Variants in CHMP4B observed in about 807,000 individuals in gnomAD.
The protein encoded by CHMP4B is SNF7 homolog associated with Alix 1.
Under a neutral mutation model 25.1 loss-of-function variants are expected in CHMP4B, and 1 was observed. The ratio of observed to expected loss-of-function variants is 0.04; its 90% CI spans 0.01 to 0.19. The LOEUF is 0.19. CHMP4B is among the 10% of genes least tolerant of loss of function. The pLI is 1.00. For missense variants in CHMP4B, 151 were observed against 289.7 expected (o/e 0.52, Z 3.48); for synonymous variants, 101 against 115.6 (o/e 0.87, Z 0.81).
chr20:33,821,604 A>G (rs182950425), intron 1 of CHMP4B, among the ~76,000 whole-genome samples: 2 of 151,896 alleles, frequency 1.3e-5, no homozygotes, highest in African/African-American at 4.8e-5. Flanking sequence ...GGACTTGGAG[A>G]CATTGACTGA....
intron 1 of CHMP4B, among the ~76,000 whole-genome samples, chr20:33,844,965 T>C (rs1005834738): frequency 3.9e-5 from 6 of 152,170 alleles, no homozygotes; most frequent in Non-Finnish European, 8.8e-5. Flanking sequence ...TTCACCGTGT[T>C]AGCCAGGATG....
At chr20:33,811,793 C>G in intron 1 of CHMP4B, 135 bp downstream of exon 1, 1 of 877,126 alleles carries the variant, frequency 1.1e-6, no homozygotes, top group Non-Finnish European at 1.8e-6. Context: ...CTTGCCGGGT[C>G]TGGGACCCCC....
At chr20:33,851,973 C>A in intron 3 of CHMP4B, 104 bp from the exon 4 acceptor site, 1 of 1,491,542 alleles carries the variant, frequency 6.7e-7, no homozygotes, top group Non-Finnish European at 9.3e-7. Flanking sequence ...CGCAGACCTT[C>A]TCAGAGGGGT....
chr20:33,854,220 C>T lies in CHMP4B; in HGVS notation c.*660C>T, dbSNP rs779848302. 35 of 154,672 alleles carry T rather than the reference C, an allele frequency of 2.3e-4. No individual in the cohort carries two copies. Among genetic ancestry groups the T allele is most frequent in the Non-Finnish European group, 3.0e-4 (21 of 69,468 alleles). The allele number at this position is 154,672 out of a possible 1,614,324, so 9.6% of individuals were successfully genotyped here. On this transcript the variant is annotated 3_prime_UTR_variant, in exon 5 of 5. Transcript: ENST00000217402. ...AAGTGAGATTGTTAGAATTAAGTTC[C>T]AACTATACAGTTTTCTAACATAGCT...
intron 1 of CHMP4B, among the ~76,000 whole-genome samples, chr20:33,838,743 C>T (rs1272263973): frequency 1.6e-4 from 25 of 152,132 alleles, no homozygotes; most frequent in Admixed American, 1.6e-3. Flanking sequence ...GGTCACTTTC[C>T]TTCCCAGTAT....
At chr20:33,849,607 AT>A (rs1369871509) in intron 2 of CHMP4B, among the ~76,000 whole-genome samples, 4 of 144,456 alleles carry the variant, frequency 2.8e-5, no homozygotes, top group African/African-American at 5.8e-5. Context: ...CAATAAAAAA[AT>A]AAAAAATAAA....
chr20:33,834,356 G>A (rs555985229), intron 1 of CHMP4B, among the ~76,000 whole-genome samples: 26 of 151,984 alleles, frequency 1.7e-4, no homozygotes, highest in African/African-American at 6.0e-4. Context: ...TCTCACCTAG[G>A]CTGGAGTGCA....
At chr20:33,829,324 AT>A (rs905703000) in intron 1 of CHMP4B, among the ~76,000 whole-genome samples, 79 of 152,278 alleles carry the variant, frequency 5.2e-4, no homozygotes, top group African/African-American at 1.9e-3. Context: ...CTCAGACCAC[AT>A]TGGGTACTTG....
intron 1 of CHMP4B, among the ~76,000 whole-genome samples, chr20:33,840,068 A>G (rs1420380229): frequency 6.6e-6 from 1 of 152,154 alleles, no homozygotes; most frequent in African/African-American, 2.4e-5. Context: ...ACTCTTTCTT[A>G]GACATACTGG....
chr20:33,841,743 C>T (rs1423636500), intron 1 of CHMP4B, among the ~76,000 whole-genome samples: 1 of 152,156 alleles, frequency 6.6e-6, no homozygotes, highest in Non-Finnish European at 1.5e-5. Flanking sequence ...CCCCTTCTAT[C>T]TGGGGACTTA....
At chr20:33,822,476 T>C (rs1295201165) in intron 1 of CHMP4B, among the ~76,000 whole-genome samples, 1 of 152,196 alleles carries the variant, frequency 6.6e-6, no homozygotes, top group Non-Finnish European at 1.5e-5. Context: ...GGTGAACTAG[T>C]TGATTTCATC....
intron 2 of CHMP4B, among the ~76,000 whole-genome samples, chr20:33,849,465 T>G (rs554650758): frequency 8.5e-5 from 13 of 152,210 alleles, no homozygotes; most frequent in African/African-American, 3.1e-4. Flanking sequence ...CTGGGTGTCG[T>G]GGCATGCGCC....
chr20:33,840,306 A>G (rs1470182031), intron 1 of CHMP4B, among the ~76,000 whole-genome samples: 1 of 151,438 alleles, frequency 6.6e-6, no homozygotes, highest in African/African-American at 2.4e-5. Flanking sequence ...CCCAGAGACA[A>G]TGTTGGACAC....
chr20:33,822,182 T>TG (rs1335764027), intron 1 of CHMP4B, among the ~76,000 whole-genome samples: 2 of 151,816 alleles, frequency 1.3e-5, no homozygotes, highest in East Asian at 3.9e-4. Flanking sequence ...CTCTCCCTGT[T>TG]GCCTAGGCTG....
chr20:33,836,925 C>G (rs1334720119), intron 1 of CHMP4B, among the ~76,000 whole-genome samples: 1 of 152,162 alleles, frequency 6.6e-6, no homozygotes, highest in South Asian at 2.1e-4. Flanking sequence ...CCCTGCCATC[C>G]TGTCTTGGCT....
chr20:33,823,770 C>T (rs991861707), intron 1 of CHMP4B, among the ~76,000 whole-genome samples: 3 of 152,190 alleles, frequency 2.0e-5, no homozygotes, highest in Non-Finnish European at 4.4e-5. Flanking sequence ...GTCTCGAACT[C>T]CTGACCTCAG....
At chr20:33,839,005 GTC>G (rs997113321) in intron 1 of CHMP4B, among the ~76,000 whole-genome samples, 3 of 152,094 alleles carry the variant, frequency 2.0e-5, no homozygotes, top group African/African-American at 7.2e-5. Context: ...CTTACTTTGG[GTC>G]TCTGCTACTT....
Position 33,820,939 on chromosome 20 carries a change from C to T in CHMP4B, c.190+9281C>T, listed in dbSNP as rs1045807196. On this transcript the variant is annotated intron_variant, in intron 1 of 4. Coordinates refer to ENST00000217402, the MANE Select transcript of CHMP4B (RefSeq NM_176812.5). ...TCATAAAATAATTAGCTTTGGAATA[C>T]TAAATTTAGAGTATAGTTTATTCTG... 2.6e-5 allele frequency among the ~76,000 whole-genome samples: 4 copies of T among 152,258 alleles called. No individual in the cohort carries two copies. In the East Asian group the frequency reaches 7.7e-4, roughly 29 times the overall value.
chr20:33,833,740 C>T (rs768244956), intron 1 of CHMP4B, among the ~76,000 whole-genome samples: 4 of 152,164 alleles, frequency 2.6e-5, no homozygotes, highest in Non-Finnish European at 5.9e-5. Flanking sequence ...TTCCTCTGGG[C>T]TCTCTCCTAC....
Sources: allele counts gnomAD v4.1 joint callset (sites outside exome capture counted in the v4.1 genomes callset), GRCh38; gene constraint gnomAD v4.1.1; transcripts MANE v1.5; gene names NCBI Gene and HGNC (gene_info 2026-07-23, HGNC 2026-07-21).